The following RPS6KC1 variants were observed in gnomAD, a reference collection of about 807,000 sequenced individuals.
RPS6KC1 encodes inactive ribosomal protein S6 kinase delta-1.
RPS6KC1 carries 54 observed loss-of-function variants against 103.8 expected under a neutral mutation model. That is an observed-to-expected ratio of 0.52 (90% CI 0.42 to 0.65). The LOEUF (loss-of-function observed/expected upper bound fraction) is 0.65, where lower values mean the gene tolerates loss of function less well. Ranked by LOEUF, RPS6KC1 falls within the 30% of genes least tolerant of loss-of-function variation. RPS6KC1 has a pLI of 0.00. For missense variants in RPS6KC1, 1,151 were observed against 1,253.8 expected, an observed-to-expected ratio of 0.92 and a Z score of 1.24; for synonymous variants, 439 against 438.7, an observed-to-expected ratio of 1.00 and a Z score of -0.01.
chr1:213,112,334 A>G (rs145793154), intron 4 of RPS6KC1, among the ~76,000 whole-genome samples: 35 of 152,294 alleles, frequency 2.3e-4, no homozygotes, highest in East Asian at 1.4e-3. Context: ...TACCACCACT[A>G]CTTGTCTGGT....
the RPS6KC1 span, among the ~76,000 whole-genome samples, chr1:213,692,776 C>T: frequency 6.6e-6 from 1 of 152,212 alleles, no homozygotes; most frequent in African/African-American, 2.4e-5. Context: ...GAGACCTTAT[C>T]AGGAAGCTGC....
the RPS6KC1 span, among the ~76,000 whole-genome samples, chr1:213,443,185 T>C: frequency 1.3e-5 from 2 of 152,210 alleles, no homozygotes; most frequent in South Asian, 4.1e-4. Context: ...TTTCTACCTT[T>C]TCTAGGCTAT....
At chr1:213,246,486 T>A (rs1440923436) in intron 12 of RPS6KC1, among the ~76,000 whole-genome samples, 1 of 152,140 alleles carries the variant, frequency 6.6e-6, no homozygotes. Flanking sequence ...TGGAGTAAAT[T>A]GGTTATTTTT....
At chr1:213,329,574 A>T in the RPS6KC1 span, among the ~76,000 whole-genome samples, 5 of 146,068 alleles carry the variant, frequency 3.4e-5, no homozygotes, top group African/African-American at 1.3e-4. Context: ...TATTCAGTTG[A>T]TTTTTTTTTT....
At chr1:213,536,894 G>A in the RPS6KC1 span, among the ~76,000 whole-genome samples, 1 of 152,130 alleles carries the variant, frequency 6.6e-6, no homozygotes, top group African/African-American at 2.4e-5. Flanking sequence ...GAGCCCAGTG[G>A]GGGGCGGGCT....
At chr1:213,752,592 T>C in the RPS6KC1 span, among the ~76,000 whole-genome samples, 114 of 152,320 alleles carry the variant, frequency 7.5e-4, no homozygotes, top group African/African-American at 2.7e-3. Context: ...TAGAAAGTCA[T>C]TCCATTGAAT....
chr1:213,735,511 A>G, the RPS6KC1 span, among the ~76,000 whole-genome samples: 1 of 152,238 alleles, frequency 6.6e-6, no homozygotes, highest in Non-Finnish European at 1.5e-5. Context: ...AAACAAAGGA[A>G]CTATGAGGTT....
At chr1:213,634,315 C>T in the RPS6KC1 span, among the ~76,000 whole-genome samples, 73 of 152,160 alleles carry the variant, frequency 4.8e-4, no homozygotes, top group African/African-American at 1.7e-3. Context: ...CCAAAATTGA[C>T]CACATAGTTG....
the RPS6KC1 span, among the ~76,000 whole-genome samples, chr1:213,850,603 C>A: frequency 8.5e-5 from 13 of 152,310 alleles, no homozygotes; most frequent in Non-Finnish European, 1.6e-4. Context: ...AAGTTACTGT[C>A]TCCAAACCTA....
chr1:213,564,049 G>C, the RPS6KC1 span, among the ~76,000 whole-genome samples: 1 of 132,778 alleles, frequency 7.5e-6, no homozygotes, highest in Non-Finnish European at 1.6e-5. Context: ...AATAGTTCTT[G>C]CATTTATTAC....
chr1:213,064,613 C>G (rs1435128085), intron 1 of RPS6KC1, among the ~76,000 whole-genome samples: 3 of 151,478 alleles, frequency 2.0e-5, no homozygotes, highest in African/African-American at 7.3e-5. Flanking sequence ...GGTGATCCTC[C>G]TGCCTGGGCC....
chr1:213,074,171 A>G (rs2079109954), intron 2 of RPS6KC1, among the ~76,000 whole-genome samples: 1 of 152,236 alleles, frequency 6.6e-6, no homozygotes, highest in Non-Finnish European at 1.5e-5. Context: ...AAATACAGGA[A>G]TCTAAAAAGT....
chr1:213,710,127 C>T, the RPS6KC1 span, among the ~76,000 whole-genome samples: 7 of 152,072 alleles, frequency 4.6e-5, no homozygotes, highest in African/African-American at 1.7e-4. Context: ...TTAAAATCTC[C>T]CAGTATTATT....
the RPS6KC1 span, among the ~76,000 whole-genome samples, chr1:213,301,838 C>T: frequency 6.6e-6 from 1 of 151,866 alleles, no homozygotes; most frequent in East Asian, 1.9e-4. Context: ...TAGGTTCAAG[C>T]GATTCTCATG....
intron 4 of RPS6KC1, among the ~76,000 whole-genome samples, chr1:213,113,903 T>C (rs2083295797): frequency 6.6e-6 from 1 of 152,184 alleles, no homozygotes; most frequent in Non-Finnish European, 1.5e-5. Flanking sequence ...GGCTCTGTTC[T>C]GTTCCATTGA....
At chr1:213,217,368 A>G (rs2093694412) in intron 8 of RPS6KC1, among the ~76,000 whole-genome samples, 1 of 152,220 alleles carries the variant, frequency 6.6e-6, no homozygotes, top group South Asian at 2.1e-4. Context: ...TCTGAAATTG[A>G]GGCCATAATT....
chr1:213,174,940 A>G (rs1225193089), intron 7 of RPS6KC1, among the ~76,000 whole-genome samples: 1 of 152,172 alleles, frequency 6.6e-6, no homozygotes, highest in African/African-American at 2.4e-5. Context: ...AATTGTCACT[A>G]TCACCAACTT....
chr1:213,722,373 C>A, the RPS6KC1 span, among the ~76,000 whole-genome samples: 1 of 152,136 alleles, frequency 6.6e-6, no homozygotes, highest in East Asian at 1.9e-4. Flanking sequence ...ACCTTCCCTC[C>A]ATTATTGGTC....
chr1:213,469,651 C>T, the RPS6KC1 span, among the ~76,000 whole-genome samples: 11 of 152,302 alleles, frequency 7.2e-5, no homozygotes, highest in African/African-American at 2.6e-4. Context: ...GTGAGTCCTG[C>T]ATCATATCAT....
Sources: gnomAD v4.1 joint callset for allele counts (sites outside exome capture counted in the v4.1 genomes callset) on GRCh38, gnomAD v4.1.1 for gene constraint, MANE v1.5 for transcripts, NCBI Gene and HGNC (gene_info 2026-07-23, HGNC 2026-07-21) for gene names.